Variants in CDKAL1 observed in about 807,000 individuals in gnomAD.
CDKAL1 encodes threonylcarbamoyladenosine tRNA methylthiotransferase.
In CDKAL1, 32 loss-of-function variants were observed where a neutral mutation model predicts 68.2. The ratio of observed to expected loss-of-function variants is 0.47; its 90% CI spans 0.35 to 0.63. The LOEUF is 0.63. Among genes scored for constraint, CDKAL1 ranks in the 30% least tolerant of loss-of-function variants. The pLI, the probability that CDKAL1 is intolerant of heterozygous loss-of-function variation, is 0.00. For synonymous variants in CDKAL1, 234 were observed against 244.3 expected, an observed-to-expected ratio of 0.96 and a Z score of 0.39; for missense variants, 606 against 696.7, an observed-to-expected ratio of 0.87 and a Z score of 1.47.
intron 7 of CDKAL1, among the ~76,000 whole-genome samples, chr6:20,758,876 T>G (rs1422725801): frequency 6.6e-6 from 1 of 152,200 alleles, no homozygotes; most frequent in Non-Finnish European, 1.5e-5. Flanking sequence ...GGCTTACTCC[T>G]GTAACCCCAG....
intron 9 of CDKAL1, among the ~76,000 whole-genome samples, chr6:20,874,123 A>G (rs1389222633): frequency 1.3e-5 from 2 of 152,112 alleles, no homozygotes; most frequent in African/African-American, 4.8e-5. Flanking sequence ...AGGTAGAGTT[A>G]GGGGGAGATG....
intron 12 of CDKAL1, among the ~76,000 whole-genome samples, chr6:21,096,254 T>C (rs1773310315): frequency 6.6e-6 from 1 of 152,204 alleles, no homozygotes; most frequent in Non-Finnish European, 1.5e-5. Context: ...TAGAACTGTA[T>C]AGCAGCTTAT....
At chr6:20,879,598 A>T (rs971958215) in intron 9 of CDKAL1, among the ~76,000 whole-genome samples, 3 of 152,190 alleles carry the variant, frequency 2.0e-5, no homozygotes, top group Non-Finnish European at 2.9e-5. Context: ...TCTGCCTGCT[A>T]GTCTGGAATT....
chr6:21,105,783 T>A (rs1773816869), intron 12 of CDKAL1, among the ~76,000 whole-genome samples: 1 of 152,220 alleles, frequency 6.6e-6, no homozygotes, highest in Admixed American at 6.5e-5. Context: ...ACAGGGGCAG[T>A]GTTAGGGACA....
intron 10 of CDKAL1, among the ~76,000 whole-genome samples, chr6:20,999,884 A>G (rs1478270317): frequency 6.6e-6 from 1 of 152,184 alleles, no homozygotes; most frequent in East Asian, 1.9e-4. Context: ...GTAACAAGGC[A>G]GAATGTAAAA....
chr6:20,740,436 G>A (rs958710073), intron 6 of CDKAL1, among the ~76,000 whole-genome samples: 5 of 152,108 alleles, frequency 3.3e-5, no homozygotes, highest in Admixed American at 3.3e-4. Context: ...ATGCCCTGAA[G>A]TAGCTGATAT....
At chr6:21,094,086 G>A (rs1039213842) in intron 12 of CDKAL1, among the ~76,000 whole-genome samples, 1 of 152,006 alleles carries the variant, frequency 6.6e-6, no homozygotes, top group Non-Finnish European at 1.5e-5. Context: ...ATACAGACAA[G>A]AAAATATAAT....
chr6:20,777,386 G>C (rs1242585251), intron 7 of CDKAL1, among the ~76,000 whole-genome samples: 2 of 152,192 alleles, frequency 1.3e-5, no homozygotes, highest in African/African-American at 4.8e-5. Flanking sequence ...GCCAAGGTGG[G>C]AGTATCACCT....
At chr6:20,879,291 G>T (rs1281171231) in intron 9 of CDKAL1, among the ~76,000 whole-genome samples, 1 of 152,158 alleles carries the variant, frequency 6.6e-6, no homozygotes, top group African/African-American at 2.4e-5. Context: ...GAGTGAGGAA[G>T]AGGCAGTAAG....
chr6:21,220,932 C>T (rs1250636526), intron 15 of CDKAL1, among the ~76,000 whole-genome samples: 3 of 151,964 alleles, frequency 2.0e-5, no homozygotes, highest in African/African-American at 7.2e-5. Context: ...TTTGGGAGGC[C>T]GAGGTGGGTG....
intron 5 of CDKAL1, among the ~76,000 whole-genome samples, chr6:20,669,663 A>C (rs181841533): frequency 6.6e-6 from 1 of 152,142 alleles, no homozygotes; most frequent in South Asian, 2.1e-4. Flanking sequence ...ACTGTTACCC[A>C]GTGCTCCTGT....
chr6:20,816,565 A>G (rs1777055750), intron 8 of CDKAL1, among the ~76,000 whole-genome samples: 1 of 152,180 alleles, frequency 6.6e-6, no homozygotes, highest in Non-Finnish European at 1.5e-5. Context: ...GAAAATGAGA[A>G]TGCTCTTTGT....
intron 9 of CDKAL1, among the ~76,000 whole-genome samples, chr6:20,909,445 CA>C (rs1762371402): frequency 1.3e-5 from 2 of 152,218 alleles, no homozygotes; most frequent in South Asian, 4.2e-4. Flanking sequence ...TTTTGTAAAC[CA>C]ATGTTGTTTT....
chr6:21,006,502 C>T (rs759843982), intron 11 of CDKAL1, among the ~76,000 whole-genome samples: 56 of 152,124 alleles, frequency 3.7e-4, no homozygotes, highest in Non-Finnish European at 7.2e-4. Context: ...GCACTAAGGT[C>T]GTGTTCACTG....
At chr6:20,885,084 G>GT (rs1349207492) in intron 9 of CDKAL1, among the ~76,000 whole-genome samples, 21 of 152,244 alleles carry the variant, frequency 1.4e-4, no homozygotes, top group African/African-American at 5.1e-4. Flanking sequence ...TAAGATGTCA[G>GT]TACTACCCAA....
intron 4 of CDKAL1, among the ~76,000 whole-genome samples, chr6:20,556,227 T>C (rs953635926): frequency 2.0e-5 from 3 of 152,000 alleles, no homozygotes; most frequent in Non-Finnish European, 4.4e-5. Flanking sequence ...TAGCCTGGTA[T>C]GATAGTGCAT....
chr6:21,198,011 C>T lies in CDKAL1; in HGVS notation c.1300-10C>T. On this transcript the variant is annotated splice_polypyrimidine_tract_variant and intron_variant, in intron 13 of 15. Transcript: ENST00000274695. ...ATCTTTCCTTTCTTTCCCTCCCCTT[C>T]TCTCCACAGATTGGTGAAAGACAAC... is the stretch of plus-strand genomic sequence containing the variant. 1 of 1,569,146 alleles carries T rather than the reference C, an allele frequency of 6.4e-7. No individual in the cohort carries two copies.
intron 15 of CDKAL1, among the ~76,000 whole-genome samples, chr6:21,216,404 CT>C (rs2151120698): frequency 6.6e-6 from 1 of 152,206 alleles, no homozygotes; most frequent in South Asian, 2.1e-4. Flanking sequence ...GAGTTCAAGG[CT>C]GCAAGTGAGC....
chr6:20,920,389 G>C (rs1762900446), intron 9 of CDKAL1, among the ~76,000 whole-genome samples: 1 of 152,162 alleles, frequency 6.6e-6, no homozygotes, highest in Non-Finnish European at 1.5e-5. Context: ...ATGAGACGAG[G>C]ATAGGGATCA....
Sources: allele counts gnomAD v4.1 joint callset (sites outside exome capture counted in the v4.1 genomes callset), GRCh38; gene constraint gnomAD v4.1.1; transcripts MANE v1.5; gene names NCBI Gene and HGNC (gene_info 2026-07-23, HGNC 2026-07-21).